Variants in SORL1 observed in about 807,000 individuals in gnomAD.
SORL1 encodes sortilin-related receptor.
In SORL1, 127 loss-of-function variants were observed where a neutral mutation model predicts 273.7. The ratio of observed to expected loss-of-function variants is 0.46; its 90% CI spans 0.40 to 0.54. The LOEUF (loss-of-function observed/expected upper bound fraction) is 0.54, where lower values mean the gene tolerates loss of function less well. Ranked by LOEUF, SORL1 falls within the 20% of genes least tolerant of loss-of-function variation. The probability of loss-of-function intolerance (pLI) is 0.00; values close to 1 mark genes in which losing one functional copy is unlikely to be tolerated. For missense variants in SORL1, 2,494 were observed against 2,846.1 expected (o/e 0.88, Z 2.81); for synonymous variants, 1,031 against 1,067.4 (o/e 0.97, Z 0.66).
At chr11:121,457,644 GA>G (rs1860929203) in intron 1 of SORL1, among the ~76,000 whole-genome samples, 1 of 152,152 alleles carries the variant, frequency 6.6e-6, no homozygotes, top group Non-Finnish European at 1.5e-5. Context: ...GGCCAGGTGA[GA>G]AAAACCTCAT....
chr11:121,615,476 A>G (rs1198661413), intron 41 of SORL1, among the ~76,000 whole-genome samples: 1 of 152,128 alleles, frequency 6.6e-6, no homozygotes, highest in African/African-American at 2.4e-5. Context: ...TTGGTTCCAT[A>G]TAGCATGATA....
chr11:121,551,924 G>T (rs1459198738), intron 16 of SORL1, among the ~76,000 whole-genome samples: 1 of 152,192 alleles, frequency 6.6e-6, no homozygotes, highest in African/African-American at 2.4e-5. Context: ...TGAGGGCGTG[G>T]GTTAGTAGGG....
intron 18 of SORL1, among the ~76,000 whole-genome samples, chr11:121,555,545 G>T (rs151223453): frequency 1.1e-4 from 16 of 151,704 alleles, no homozygotes; most frequent in African/African-American, 3.9e-4. Context: ...ACAATAAATG[G>T]TAATATTTTT....
intron 31 of SORL1, among the ~76,000 whole-genome samples, chr11:121,594,506 A>G (rs924108493): frequency 6.7e-6 from 1 of 149,176 alleles, no homozygotes; most frequent in African/African-American, 2.5e-5. Context: ...TGAGTTTTTC[A>G]TCTTTGTTGT....
At chr11:121,529,130 C>G (rs564552909) in intron 11 of SORL1, among the ~76,000 whole-genome samples, 14 of 151,612 alleles carry the variant, frequency 9.2e-5, no homozygotes, top group Non-Finnish European at 1.8e-4. Flanking sequence ...AACTATCTCT[C>G]TTTATCTATT....
In SORL1 at chr11:121,470,069, G is replaced by T; in HGVS notation, c.348G>T (p.Val116=). ...ACTGGGCTGGAGAGAAAAGCAACGT[G>T]ATCGTGGCCTTGGCCCGAGATAGCC... The part of the protein sequence containing the change: ...VVHWAGEKSN[V]IVALARDSLA... Residue 116 remains valine (V), a synonymous_variant, in exon 2 of 48, where the codon GTG becomes GTT. Transcript: ENST00000260197. 6.2e-7 allele frequency: 1 copy of T among 1,614,170 alleles called. No homozygotes were observed. The highest frequency in any genetic ancestry group is 2.2e-5 in the East Asian group (1 of 44,886).
intron 5 of SORL1, 27 bp from the exon 6 acceptor site, chr11:121,496,842 A>G (rs765160270): frequency 2.2e-5 from 34 of 1,569,878 alleles, no homozygotes; most frequent in South Asian, 1.1e-4. Flanking sequence ...TGCAAATGAT[A>G]ACAACCTTTT....
At chr11:121,480,955 A>G (rs1176188330) in intron 3 of SORL1, among the ~76,000 whole-genome samples, 1 of 119,242 alleles carries the variant, frequency 8.4e-6, no homozygotes, top group African/African-American at 3.4e-5. Context: ...GTGCACAGAT[A>G]CCTATAGGCA....
intron 13 of SORL1, among the ~76,000 whole-genome samples, chr11:121,544,056 G>T (rs946312719): frequency 2.0e-5 from 3 of 152,152 alleles, no homozygotes; most frequent in Non-Finnish European, 4.4e-5. Context: ...CGTATTCAGT[G>T]AGTGTGCCTG....
chr11:121,514,758 C>T (rs147835789), intron 8 of SORL1, among the ~76,000 whole-genome samples: 6 of 152,186 alleles, frequency 3.9e-5, no homozygotes, highest in East Asian at 1.9e-4. Flanking sequence ...GATAATCGGA[C>T]GGTGTTTTGT....
At chr11:121,590,640 G>A in intron 30 of SORL1, 2 of 603,994 alleles carry the variant, frequency 3.3e-6, no homozygotes, top group South Asian at 3.9e-5. Context: ...TGGAGTAGTT[G>A]CGGTTGAATT....
intron 46 of SORL1, among the ~76,000 whole-genome samples, chr11:121,625,541 G>A (rs115423095): frequency 0.028 from 4,247 of 152,258 alleles, 193 homozygotes; most frequent in African/African-American, 0.093. Context: ...TTTAAAAAGG[G>A]AAACTCTAGG....
intron 11 of SORL1, among the ~76,000 whole-genome samples, chr11:121,529,228 T>C (rs1343163811): frequency 6.6e-6 from 1 of 152,170 alleles, no homozygotes; most frequent in African/African-American, 2.4e-5. Flanking sequence ...ATATTACATC[T>C]TTTTTTGAGT....
chr11:121,508,507 A>T (rs1197816845), intron 6 of SORL1, among the ~76,000 whole-genome samples: 1 of 152,224 alleles, frequency 6.6e-6, no homozygotes, highest in Non-Finnish European at 1.5e-5. Context: ...TGTCTATATC[A>T]TGAACCAAGT....
intron 11 of SORL1, among the ~76,000 whole-genome samples, chr11:121,527,347 C>T (rs1170010940): frequency 6.6e-6 from 1 of 152,020 alleles, no homozygotes; most frequent in African/African-American, 2.4e-5. Context: ...AGGACAAACT[C>T]TACTTGGTCA....
chr11:121,517,742 CAT>C (rs1336844187), intron 8 of SORL1, among the ~76,000 whole-genome samples: 1 of 152,206 alleles, frequency 6.6e-6, no homozygotes, highest in African/African-American at 2.4e-5. Context: ...CGTCAAGAGT[CAT>C]AGGCCAACGT....
chr11:121,473,649 C>G (rs1861209540), intron 2 of SORL1, among the ~76,000 whole-genome samples: 2 of 152,332 alleles, frequency 1.3e-5, no homozygotes, highest in South Asian at 4.1e-4. Context: ...AATCCTAGCA[C>G]TTCGGAAGGC....
chr11:121,548,339 G>A (rs1862463029), intron 14 of SORL1, among the ~76,000 whole-genome samples: 1 of 152,178 alleles, frequency 6.6e-6, no homozygotes, highest in African/African-American at 2.4e-5. Context: ...TAAGTAATTA[G>A]CTAATGCTTT....
Position 121,478,162 on chromosome 11 carries a change from A to G in SORL1, c.447A>G (p.Ser149=), listed in dbSNP as rs1861309245. 6.2e-7 allele frequency: 1 copy of G among 1,614,124 alleles called. No homozygotes were observed. ...ATGGAAAATCATTCAAGAAAATTTC[A>G]GACAAGTTAAACTTTGGCTTGGGAA... ...YDYGKSFKKI[S]DKLNFGLGNR... Residue 149 remains serine, a synonymous_variant, in exon 3 of 48, where the codon TCA becomes TCG. Coordinates refer to ENST00000260197, the MANE Select transcript of SORL1 (RefSeq NM_003105.6).
Sources: allele counts gnomAD v4.1 joint callset (sites outside exome capture counted in the v4.1 genomes callset), GRCh38; gene constraint gnomAD v4.1.1; transcripts MANE v1.5; gene names NCBI Gene and HGNC (gene_info 2026-07-23, HGNC 2026-07-21).